The following COMMD6 variants were observed in gnomAD, a reference collection of about 807,000 sequenced individuals.
COMMD6 encodes COMM domain containing 6.
COMMD6 carries 11 observed loss-of-function variants against 13.4 expected under a neutral mutation model. The ratio of observed to expected loss-of-function variants is 0.82; its 90% CI spans 0.52 to 1.36. The LOEUF (loss-of-function observed/expected upper bound fraction) is 1.36, where lower values mean the gene tolerates loss of function less well. COMMD6 is among the 40% of genes most tolerant of loss of function. The probability of loss-of-function intolerance (pLI) is 0.00; values close to 1 mark genes in which losing one functional copy is unlikely to be tolerated. For synonymous variants in COMMD6, 43 were observed against 36.5 expected (o/e 1.18, Z -0.64); for missense variants, 124 against 102.4 (o/e 1.21, Z -0.91).
At chr13:75,530,841 G>C (rs1474775532) in intron 2 of COMMD6, among the ~76,000 whole-genome samples, 1 of 152,200 alleles carries the variant, frequency 6.6e-6, no homozygotes, top group East Asian at 1.9e-4. Flanking sequence ...TCTGGAATCA[G>C]AACTGAAGCC....
chr13:75,540,338 A>ACACCCC (rs1447347006), upstream of COMMD6, among the ~76,000 whole-genome samples: 25 of 81,696 alleles, frequency 3.1e-4, no homozygotes, highest in East Asian at 9.9e-3. Context: ...ACACACACAC[A>ACACCCC]CACACCCACA....
upstream of COMMD6, among the ~76,000 whole-genome samples, chr13:75,538,258 T>C (rs1229524399): frequency 1.3e-5 from 2 of 152,258 alleles, no homozygotes; most frequent in Non-Finnish European, 2.9e-5. Context: ...GATGAGCTGC[T>C]TCGCTGGCCT....
At chr13:75,540,344 C>CCA (rs59520333), upstream of COMMD6, among the ~76,000 whole-genome samples, 36,730 of 147,110 alleles carry the variant, frequency 0.25, 4,563 homozygotes, top group Non-Finnish European at 0.27. Context: ...ACACACACAC[C>CCA]CACACACACA....
upstream of COMMD6, chr13:75,537,879 C>G: frequency 6.8e-7 from 1 of 1,470,356 alleles, no homozygotes; most frequent in East Asian, 2.3e-5. Context: ...CCACGTCCTG[C>G]CCCTAGCGGC....
At chr13:75,538,672 T>C (rs1368857217), upstream of COMMD6, 1 of 152,208 alleles carries the variant, frequency 6.6e-6, no homozygotes, top group Non-Finnish European at 1.5e-5. Flanking sequence ...TTAATATTGA[T>C]AAAATACTAT....
intron 2 of COMMD6, chr13:75,530,619 C>T (rs2030440857): frequency 1.2e-5 from 2 of 172,524 alleles, no homozygotes; most frequent in South Asian, 3.1e-4. Context: ...CTGTTCCATG[C>T]TCAAGACTTA....
chr13:75,542,714 C>T (rs1194810048), upstream of COMMD6, among the ~76,000 whole-genome samples: 1 of 152,194 alleles, frequency 6.6e-6, no homozygotes, highest in Non-Finnish European at 1.5e-5. Flanking sequence ...TTGGATTCCT[C>T]AGATGAGTCC....
At chr13:75,543,778 A>C (rs1339865704), upstream of COMMD6, among the ~76,000 whole-genome samples, 1 of 152,244 alleles carries the variant, frequency 6.6e-6, no homozygotes, top group Admixed American at 6.5e-5. Context: ...GAACATAGTA[A>C]GTGCTGATAA....
intron 2 of COMMD6, among the ~76,000 whole-genome samples, chr13:75,536,481 T>C (rs1292906936): frequency 4.6e-5 from 7 of 152,170 alleles, no homozygotes; most frequent in African/African-American, 1.7e-4. Flanking sequence ...AATTAAGGAC[T>C]TGGAGATGTG....
At position 75,529,470 on chromosome 13, in the gene COMMD6, A is replaced by G. The variant is rs527471072; in HGVS notation, c.207+644T>C. Among the ~76,000 whole-genome samples the G allele has an allele frequency of 1.8e-4, 27 of 150,200 alleles. No homozygotes were observed. The South Asian group carries it at 2.5e-3, about 14-fold the overall frequency. On this transcript the variant is annotated intron_variant, in intron 3 of 3. Coordinates refer to ENST00000682242, the MANE Select transcript of COMMD6 (RefSeq NM_203495.4). ...CAGGAGGCAGAGCTTGCAGTGAGCC[A>G]AGATCGTGCCACTGCACTCCAGCCT...
chr13:75,531,349 C>T (rs1055231084), intron 2 of COMMD6, among the ~76,000 whole-genome samples: 2 of 152,014 alleles, frequency 1.3e-5, no homozygotes, highest in African/African-American at 4.8e-5. Flanking sequence ...GTTATATAAC[C>T]CATTTTCTAT....
intron 2 of COMMD6, 145 bp downstream of exon 2, chr13:75,537,517 GAA>G (rs1229454288): frequency 2.4e-5 from 37 of 1,570,880 alleles, no homozygotes; most frequent in Non-Finnish European, 3.1e-5. Flanking sequence ...GTGCAAAAGA[GAA>G]GGAGCAATGC....
intron 1 of COMMD6, among the ~76,000 whole-genome samples, chr13:75,544,594 C>T (rs1456817523): frequency 6.6e-6 from 1 of 151,972 alleles, no homozygotes; most frequent in Non-Finnish European, 1.5e-5. Context: ...GAAACCCTGT[C>T]TTTACTAACA....
At position 75,526,528 on chromosome 13, in the gene COMMD6, T is replaced by C. The variant is rs2030264306; in HGVS notation, c.*61A>G. On this transcript the variant is annotated 3_prime_UTR_variant, in exon 4 of 4. Coordinates refer to ENST00000682242, the MANE Select transcript of COMMD6 (RefSeq NM_203495.4). The stretch of plus-strand genomic sequence containing the variant: ...ATGTTCCATCCTTATTTAGTTTTGT[T>C]GCCGAAAGTGAAGTCCATGACTTTA... 3 of 1,124,074 alleles carry C rather than the reference T, an allele frequency of 2.7e-6. No homozygotes were observed. Among genetic ancestry groups the C allele is most frequent in the South Asian group, 1.5e-5 (1 of 64,812 alleles). 69.6% of individuals were successfully genotyped at this position (1,124,074 alleles called of 1,614,324 possible). A position where few individuals can be genotyped will look rare whatever the true frequency, so the allele number is the denominator to read the frequency against.
intron 1 of COMMD6, among the ~76,000 whole-genome samples, chr13:75,544,963 G>C (rs944685684): frequency 6.8e-6 from 1 of 147,820 alleles, no homozygotes; most frequent in African/African-American, 2.5e-5. Flanking sequence ...GACTTAAGTA[G>C]GTAAAGTGCC....
At position 75,537,783 on chromosome 13, in the gene COMMD6, G is replaced by T. The variant is rs143172831; in HGVS notation, c.23C>A (p.Pro8Gln). The change falls in exon 1 of 4, where the codon CCG becomes CAG. Residue 8 changes from proline to glutamine, a missense_variant. Pro to Gln is a moderately conservative substitution (Grantham distance 76, BLOSUM62 -1). Transcript: ENST00000682242. ...ACTCACATCGGACTTAGCATCCAGC[G>T]GCGGCTCGCTGGACGCCTCCATGGG... The part of the protein sequence containing the change: MEASSEP[P>Q]LDAKSDVTNQ... 2.5e-6 allele frequency: 4 copies of T among 1,611,436 alleles called. No homozygotes were observed. Among genetic ancestry groups the T allele is most frequent in the Admixed American group, 3.3e-5 (2 of 59,894 alleles).
intron 2 of COMMD6, among the ~76,000 whole-genome samples, chr13:75,531,110 A>G (rs1239052505): frequency 6.6e-6 from 1 of 152,234 alleles, no homozygotes; most frequent in African/African-American, 2.4e-5. Context: ...CTTTTTCTAC[A>G]AAACTAATGC....
At chr13:75,545,390 T>C (rs1270661641) in intron 1 of COMMD6, among the ~76,000 whole-genome samples, 2 of 152,210 alleles carry the variant, frequency 1.3e-5, no homozygotes, top group African/African-American at 4.8e-5. Flanking sequence ...GCAAATTTCA[T>C]CAATTCTTAG....
intron 1 of COMMD6, among the ~76,000 whole-genome samples, chr13:75,547,829 AG>A (rs1410448991): frequency 2.0e-5 from 3 of 152,258 alleles, no homozygotes; most frequent in African/African-American, 7.2e-5. Context: ...TCCTATTCAC[AG>A]CAAAATGGCA....
Sources: allele counts gnomAD v4.1 joint callset (sites outside exome capture counted in the v4.1 genomes callset), GRCh38; gene constraint gnomAD v4.1.1; transcripts MANE v1.5; gene names NCBI Gene and HGNC (gene_info 2026-07-23, HGNC 2026-07-21).